The following KTN1 variants were observed in gnomAD, a reference collection of about 807,000 sequenced individuals.
KTN1 encodes the protein kinectin.
A neutral mutation model predicts 222.5 loss-of-function variants in KTN1; 130 were observed. That is an observed-to-expected ratio of 0.58 (90% CI 0.51 to 0.68). The LOEUF (loss-of-function observed/expected upper bound fraction) is 0.68. Ranked by LOEUF, KTN1 falls within the 30% of genes least tolerant of loss-of-function variation. KTN1 has a pLI of 0.00. For synonymous variants in KTN1, 512 were observed against 496.3 expected, an observed-to-expected ratio of 1.03 and a Z score of -0.42; for missense variants, 1,508 against 1,500.4, an observed-to-expected ratio of 1.01 and a Z score of -0.08.
intron 1 of KTN1, among the ~76,000 whole-genome samples, chr14:55,598,697 G>T (rs532341941): frequency 1.3e-5 from 2 of 152,260 alleles, no homozygotes; most frequent in East Asian, 1.9e-4. Flanking sequence ...TTTCTATGGA[G>T]ATTTTATTAC....
Position 55,612,118 on chromosome 14 carries a change from T to C in KTN1, c.70T>C (p.Phe24Leu), listed in dbSNP as rs2037667106. The C allele has an allele frequency of 6.4e-7, 1 of 1,559,478 alleles. No homozygotes were observed. The highest frequency in any genetic ancestry group is 8.6e-7 in the Non-Finnish European group (1 of 1,160,434). Residue 24 changes from phenylalanine (F) to leucine (L), a missense_variant, in exon 2 of 44, where the codon TTC becomes CTC. Physicochemically the swap from Phe to Leu is conservative, Grantham distance 22. Transcript: ENST00000395314. ...AATAGTTATTACAGTAATTTTCCTC[T>C]TCTTCTGGCTTTTCATGAAAGAAAC... is the stretch of plus-strand genomic sequence containing the variant. ...PSIVITVIFL[F>L]FWLFMKETLY...
At chr14:55,611,671 A>G (rs922608611) in intron 1 of KTN1, among the ~76,000 whole-genome samples, 4 of 152,196 alleles carry the variant, frequency 2.6e-5, no homozygotes, top group Admixed American at 6.5e-5. Flanking sequence ...ACACTGTACA[A>G]TAAACAAAAA....
At chr14:55,621,620 C>T (rs1376388672) in intron 5 of KTN1, among the ~76,000 whole-genome samples, 1 of 152,072 alleles carries the variant, frequency 6.6e-6, no homozygotes, top group East Asian at 1.9e-4. Flanking sequence ...ACCAGGAAAA[C>T]AGTATGGGGG....
intron 2 of KTN1, among the ~76,000 whole-genome samples, chr14:55,612,874 G>A (rs1384819888): frequency 6.7e-6 from 1 of 148,968 alleles, no homozygotes; most frequent in East Asian, 2.0e-4. Flanking sequence ...GCAACAAAGT[G>A]AGACCTCATC....
Position 55,651,073 on chromosome 14 carries a change from C to T in KTN1, c.2565+436C>T, listed in dbSNP as rs139909808. On this transcript the variant is annotated intron_variant, in intron 24 of 43. Coordinates refer to ENST00000395314, the MANE Select transcript of KTN1 (RefSeq NM_001079521.2). ...GATTACTGGAAATTGATGAGTTTTG[C>T]TGATTTTAATCTGATAAGGCTTTCT... 4.0e-4 allele frequency among the ~76,000 whole-genome samples: 61 copies of T among 152,160 alleles called. 1 individual carries two copies. Among genetic ancestry groups the T allele is most frequent in the Middle Eastern group, 3.4e-3 (1 of 294 alleles).
At chr14:55,673,540 T>C in intron 40 of KTN1, 1 of 231,184 alleles carries the variant, frequency 4.3e-6, no homozygotes, top group Non-Finnish European at 8.3e-6. Flanking sequence ...AACAGCAGTC[T>C]TTTCTGTGAA....
At chr14:55,662,691 G>A (rs2044277330) in intron 32 of KTN1, among the ~76,000 whole-genome samples, 1 of 152,118 alleles carries the variant, frequency 6.6e-6, no homozygotes, top group African/African-American at 2.4e-5. Context: ...ATGGATGTGT[G>A]TTTTCTGTTT....
chr14:55,618,268 T>TG, intron 4 of KTN1, 134 bp downstream of exon 4: 1 of 644,306 alleles, frequency 1.6e-6, no homozygotes, highest in Non-Finnish European at 2.4e-6. Context: ...GAAGACTTAT[T>TG]GGTAGTCTTT....
At chr14:55,591,810 A>T (rs2034200672) in intron 1 of KTN1, among the ~76,000 whole-genome samples, 1 of 151,906 alleles carries the variant, frequency 6.6e-6, no homozygotes, top group African/African-American at 2.4e-5. Flanking sequence ...TCCCGACCTC[A>T]GGTGATCCGC....
rs773979649 is a variant in KTN1 at position 55,618,053 on chromosome 14, G to T, written c.751G>T (p.Val251Phe). ...DSSPVVDKRE[V>F]IDLLKPDQVE... ...AAGTCCTGTGGTAGATAAGAGAGAG[G>T]TTATTGATTTGCTTAAACCTGACCA... Residue 251 changes from valine to phenylalanine, a missense_variant, in exon 4 of 44, where the codon GTT becomes TTT. Val to Phe is a conservative substitution (Grantham distance 50). Transcript: ENST00000395314. 2 of 1,612,790 alleles carry T rather than the reference G, an allele frequency of 1.2e-6. No homozygotes were observed. Among genetic ancestry groups the T allele is most frequent in the Non-Finnish European group, 1.7e-6 (2 of 1,179,258 alleles).
At chr14:55,613,354 G>A (rs1255774195) in intron 2 of KTN1, among the ~76,000 whole-genome samples, 1 of 152,028 alleles carries the variant, frequency 6.6e-6, no homozygotes, top group Non-Finnish European at 1.5e-5. Flanking sequence ...AGGGAAAGGG[G>A]GTTGATAGGT....
chr14:55,662,624 G>A (rs1308392683), intron 32 of KTN1, among the ~76,000 whole-genome samples: 2 of 152,214 alleles, frequency 1.3e-5, no homozygotes, highest in African/African-American at 4.8e-5. Flanking sequence ...TAGTGTGATT[G>A]CTAAGACTTG....
At chr14:55,677,669 T>A (rs1303108650) in intron 41 of KTN1, among the ~76,000 whole-genome samples, 2 of 152,036 alleles carry the variant, frequency 1.3e-5, no homozygotes, top group African/African-American at 2.4e-5. Context: ...TTTAGAATAT[T>A]TTTGTCTCCT....
rs542061165 is a variant in KTN1 at position 55,585,125 on chromosome 14, G to A, written c.-31+4771G>A. On this transcript the variant is annotated intron_variant, in intron 1 of 43. Transcript: ENST00000395314. ...CCAGCCTGGGTGACAGAGTGAGACT[G>A]TGTCTCAAAAAAAAAAAAAAAAAAA... Among the ~76,000 whole-genome samples the A allele has an allele frequency of 1.7e-4, 21 of 120,468 alleles. No homozygotes were observed. In the East Asian group the frequency reaches 4.6e-3, roughly 26 times the overall value. The allele number at this position is 120,468 out of a possible 152,430, so 79.0% of individuals were successfully genotyped here. A position where few individuals can be genotyped will look rare whatever the true frequency, so the allele number is the denominator to read the frequency against.
At chr14:55,609,203 A>G (rs541167560) in intron 1 of KTN1, among the ~76,000 whole-genome samples, 1 of 152,022 alleles carries the variant, frequency 6.6e-6, no homozygotes, top group Non-Finnish European at 1.5e-5. Context: ...CTCTGTGTCC[A>G]TATGTTCTCA....
At chr14:55,679,131 TA>T (rs2046146906) in intron 42 of KTN1, 1 of 159,454 alleles carries the variant, frequency 6.3e-6, no homozygotes, top group South Asian at 1.9e-4. Context: ...TTGAAAGAAG[TA>T]AATGAGTTAA....
chr14:55,588,289 T>TATCATCTGTAAGATGA, intron 1 of KTN1, among the ~76,000 whole-genome samples: 1 of 152,352 alleles, frequency 6.6e-6, no homozygotes, highest in East Asian at 1.9e-4. Context: ...CATAAGTTTA[T>TATCATCTGTAAGATGA]ATCATCTGTA....
intron 1 of KTN1, among the ~76,000 whole-genome samples, chr14:55,586,417 A>G (rs762449124): frequency 6.7e-5 from 10 of 149,360 alleles, no homozygotes; most frequent in Non-Finnish European, 1.3e-4. Context: ...CTTTAGGTGC[A>G]TTATCATATC....
intron 33 of KTN1, among the ~76,000 whole-genome samples, chr14:55,665,576 A>G (rs2044640406): frequency 6.6e-6 from 1 of 152,048 alleles, no homozygotes; most frequent in South Asian, 2.1e-4. Flanking sequence ...TATGTGAAAC[A>G]CTTTTAGTAT....
Sources: gnomAD v4.1 joint callset for allele counts (sites outside exome capture counted in the v4.1 genomes callset) on GRCh38, gnomAD v4.1.1 for gene constraint, MANE v1.5 for transcripts, NCBI Gene and HGNC (gene_info 2026-07-23, HGNC 2026-07-21) for gene names.